The following CTSV variants were observed in gnomAD, a reference collection of about 807,000 sequenced individuals.
The protein encoded by CTSV is cathepsin L2.
A neutral mutation model predicts 35.6 loss-of-function variants in CTSV; 33 were observed. The observed-to-expected ratio is 0.93, with a 90% confidence interval of 0.70 to 1.24. The LOEUF (loss-of-function observed/expected upper bound fraction) is 1.24, where lower values mean the gene tolerates loss of function less well. Ranked by LOEUF, CTSV falls within the 50% of genes most tolerant of loss-of-function variation. CTSV has a pLI of 0.00. For missense variants in CTSV, 408 were observed against 413.1 expected (o/e 0.99, Z 0.11); for synonymous variants, 154 against 147.1 (o/e 1.05, Z -0.34).
At chr9:97,036,826 A>T in intron 4 of CTSV, 79 bp from the exon 5 acceptor site, 9 of 1,140,584 alleles carry the variant, frequency 7.9e-6, no homozygotes, top group Non-Finnish European at 1.1e-5. Context: ...TTACCTTAAT[A>T]TTCTTTAAAA....
rs932504048 is a variant in CTSV, at chr9:97,032,799, C to G, written c.*150G>C. 3 of 519,722 alleles carry G rather than the reference C, an allele frequency of 5.8e-6. No homozygotes were observed. The highest frequency in any genetic ancestry group is 1.0e-5 in the Non-Finnish European group (3 of 295,880). 32.2% of individuals were successfully genotyped at this position (519,722 alleles called of 1,614,324 possible). A position where few individuals can be genotyped will look rare whatever the true frequency, so the allele number is the denominator to read the frequency against. On this transcript the variant is annotated 3_prime_UTR_variant, in exon 8 of 8. Transcript: ENST00000259470. The stretch of plus-strand genomic sequence containing the variant: ...AATTAAAGTAGTGGTAACATTTTAC[C>G]CTTGTAAAAATGTCACAGAATTAAA...
intron 5 of CTSV, 94 bp downstream of exon 5, chr9:97,036,429 A>C: frequency 1.1e-6 from 1 of 896,406 alleles, no homozygotes. Context: ...CTACCATATA[A>C]AATGTGAATT....
At position 97,035,561 on chromosome 9, in the gene CTSV, C is replaced by A; in HGVS notation, c.754G>T (p.Ala252Ser). 1 of 1,581,316 alleles carries A rather than the reference C, an allele frequency of 6.3e-7. No homozygotes were observed. The highest frequency in any genetic ancestry group is 1.2e-5 in the South Asian group (1 of 86,766). Residue 252 changes from alanine to serine, a missense_variant, in exon 6 of 8, where the codon GCA becomes TCA. Physicochemically the swap from Ala to Ser is moderately conservative, Grantham distance 99. Coordinates refer to ENST00000259470, the MANE Select transcript of CTSV (RefSeq NM_001333.4). ...TVGPISVAMDAGHSSFQFYKS... is the reference protein window; with the variant it reads ...TVGPISVAMDSGHSSFQFYKS... Reference sequence around the variant, plus strand: ...TAGAACTGGAAGGACGAATGGCCTGCATCCATAGCAACGGAGATGGGCCCC... The same window carrying A: ...TAGAACTGGAAGGACGAATGGCCTGAATCCATAGCAACGGAGATGGGCCCC...
At position 97,032,694 on chromosome 9, in the gene CTSV, C is replaced by A; in HGVS notation, c.*255G>T. The A allele has an allele frequency of 5.7e-6, 2 of 351,214 alleles. No homozygotes were observed. Among genetic ancestry groups the A allele is most frequent in the Non-Finnish European group, 1.0e-5 (2 of 197,180 alleles). 21.8% of individuals were successfully genotyped at this position (351,214 alleles called of 1,614,324 possible). On this transcript the variant is annotated 3_prime_UTR_variant, in exon 8 of 8. Coordinates refer to ENST00000259470, the MANE Select transcript of CTSV (RefSeq NM_001333.4). ...AAAATTTATTTCAAACTGTTTTGTACATCTTTTTAAAAAATGAAAATTCAA... is the reference window on the plus strand; with the variant it reads ...AAAATTTATTTCAAACTGTTTTGTAAATCTTTTTAAAAAATGAAAATTCAA...
Position 97,032,880 on chromosome 9 carries a change from G to T in CTSV, c.*69C>A. ...GGTTTATCTTACACAATAAGCGTTT[G>T]GTCAGTTTCAAGATAAAATTTCCCC... On this transcript the variant is annotated 3_prime_UTR_variant, in exon 8 of 8. Transcript: ENST00000259470. 9.6e-7 allele frequency: 1 copy of T among 1,045,838 alleles called. No homozygotes were observed. Among genetic ancestry groups the T allele is most frequent in the Non-Finnish European group, 1.4e-6 (1 of 700,900 alleles). The allele number at this position is 1,045,838 out of a possible 1,614,324, so 64.8% of individuals were successfully genotyped here.
intron 7 of CTSV, among the ~76,000 whole-genome samples, chr9:97,034,457 C>A (rs1301814827): frequency 1.3e-5 from 2 of 152,192 alleles, no homozygotes; most frequent in Non-Finnish European, 2.9e-5. Flanking sequence ...GCTCTCAAAC[C>A]TACAGGTCCA....
intron 5 of CTSV, chr9:97,036,314 G>C (rs572128218): frequency 3.4e-6 from 2 of 582,890 alleles, no homozygotes; most frequent in African/African-American, 3.7e-5. Context: ...CTCGTGATCC[G>C]CCTGTCTCGG....
intron 4 of CTSV, 85 bp from the exon 5 acceptor site, chr9:97,036,832 T>TTAA: frequency 1.1e-6 from 1 of 892,270 alleles, no homozygotes. Flanking sequence ...TAATATTCTT[T>TTAA]AAAAAAAAAA....
At position 97,035,764 on chromosome 9, in the gene CTSV, G is replaced by A. The variant is rs75927220; in HGVS notation, c.622-71C>T. The A allele has an allele frequency of 7.7e-3, 8,386 of 1,096,106 alleles. 116 individuals carry two copies. Among genetic ancestry groups the A allele is most frequent in the African/African-American group, 0.047 (2,927 of 61,998 alleles). 67.9% of individuals were successfully genotyped at this position (1,096,106 alleles called of 1,614,324 possible). Reference sequence around the variant, plus strand: ...CCTGGGGAACATTAGTTCTAGAACCGAAACACTCAGCAATTTGCAACCTAG... The same window carrying A: ...CCTGGGGAACATTAGTTCTAGAACCAAAACACTCAGCAATTTGCAACCTAG... On this transcript the variant is annotated intron_variant, in intron 5 of 7. Coordinates refer to ENST00000259470, the MANE Select transcript of CTSV (RefSeq NM_001333.4).
In CTSV at chr9:97,032,803, G is replaced by T. The variant is rs1360907314; in HGVS notation, c.*146C>A. 4 of 536,312 alleles carry T rather than the reference G, an allele frequency of 7.5e-6. 1 individual carries two copies. The South Asian group carries it at 1.0e-4, about 14-fold the overall frequency. 33.2% of individuals were successfully genotyped at this position (536,312 alleles called of 1,614,324 possible). Reference sequence around the variant, plus strand: ...AAAGTAGTGGTAACATTTTACCCTTGTAAAAATGTCACAGAATTAAAATCT... The same window carrying T: ...AAAGTAGTGGTAACATTTTACCCTTTTAAAAATGTCACAGAATTAAAATCT... On this transcript the variant is annotated 3_prime_UTR_variant, in exon 8 of 8. Coordinates refer to ENST00000259470, the MANE Select transcript of CTSV (RefSeq NM_001333.4).
chr9:97,033,403 G>A (rs1226717571), intron 7 of CTSV, among the ~76,000 whole-genome samples: 1 of 151,034 alleles, frequency 6.6e-6, no homozygotes, highest in Non-Finnish European at 1.5e-5. Flanking sequence ...GAGGTTTCAG[G>A]AGTTTGAGAC....
At chr9:97,035,186 G>T (rs1813942075) in intron 6 of CTSV, among the ~76,000 whole-genome samples, 1 of 152,070 alleles carries the variant, frequency 6.6e-6, no homozygotes, top group African/African-American at 2.4e-5. Flanking sequence ...CTGTTCCTAG[G>T]ATGTCAGTCT....
chr9:97,037,576 T>A lies in CTSV; in HGVS notation c.166A>T (p.Met56Leu), dbSNP rs1828876520. The A allele has an allele frequency of 6.2e-7, 1 of 1,614,082 alleles. No individual in the cohort carries two copies. Among genetic ancestry groups the A allele is most frequent in the Admixed American group, 1.7e-5 (1 of 60,006 alleles). ...GWRRAVWEKN[M>L]KMIELHNGEY... ...CCATTGTGCAGTTCAATCATTTTCA[T>A]ATTCTTTTCCCACACTGCTCTCCTC... The change falls in exon 3 of 8, where the codon ATG becomes TTG. Residue 56 changes from methionine to leucine, a missense_variant. Coordinates refer to ENST00000259470, the MANE Select transcript of CTSV (RefSeq NM_001333.4).
chr9:97,033,764 C>A (rs1399738045), intron 7 of CTSV, among the ~76,000 whole-genome samples: 2 of 151,940 alleles, frequency 1.3e-5, no homozygotes, highest in African/African-American at 4.8e-5. Flanking sequence ...CACCACTGCA[C>A]TCTTGCCTGA....
intron 5 of CTSV, 98 bp downstream of exon 5, chr9:97,036,425 T>C (rs1051504955): frequency 1.0e-5 from 9 of 876,394 alleles, no homozygotes; most frequent in African/African-American, 1.0e-4. Context: ...GATTCTACCA[T>C]ATAAAATGTG....
In CTSV at chr9:97,031,693, G is replaced by A. The variant is rs1828748161; in HGVS notation, c.*1256C>T. On this transcript the variant is annotated 3_prime_UTR_variant, in exon 8 of 8. Transcript: ENST00000259470. ...TTAATTCAGGGATTAGGTAGCCAGA[G>A]TCTGGCCTAGTGACTTCTGACCTTT... 1 of 152,200 alleles carries A rather than the reference G, an allele frequency of 6.6e-6. No homozygotes were observed. The highest frequency in any genetic ancestry group is 1.5e-5 in the Non-Finnish European group (1 of 68,042). The allele number at this position is 152,200 out of a possible 1,614,324, so 9.4% of individuals were successfully genotyped here. A position where few individuals can be genotyped will look rare whatever the true frequency, so the allele number is the denominator to read the frequency against.
chr9:97,035,499 C>T, intron 6 of CTSV, 29 bp downstream of exon 6: 1 of 1,443,730 alleles, frequency 6.9e-7, no homozygotes, highest in Non-Finnish European at 9.2e-7. Flanking sequence ...CCAATTCTGC[C>T]TAAATTTCTA....
chr9:97,035,510 T>C lies in CTSV; in HGVS notation c.787+18A>G, dbSNP rs746129204. The C allele has an allele frequency of 1.5e-5, 22 of 1,463,984 alleles. 1 individual carries two copies. In the South Asian group the frequency reaches 3.2e-4, roughly 22 times the overall value. 90.7% of individuals were successfully genotyped at this position (1,463,984 alleles called of 1,614,324 possible). A position where few individuals can be genotyped will look rare whatever the true frequency, so the allele number is the denominator to read the frequency against. ...CTTCCCAATTCTGCCTAAATTTCTA[T>C]AATAAAATGACACTTACCTGATTTG... On this transcript the variant is annotated intron_variant, in intron 6 of 7. Transcript: ENST00000259470.
chr9:97,037,999 G>C lies in CTSV; in HGVS notation c.45C>G (p.Ala15=), dbSNP rs563968271. The change falls in exon 2 of 8, where the codon GCC becomes GCG. Residue 15 remains alanine, a synonymous_variant. Transcript: ENST00000259470. ...LVLAAFCLGI[A]SAVPKFDQNL... ...TTTGGTCAAATTTTGGAACAGCGGA[G>C]GCTATTCCCAAGCAAAAGGCAGCCA... 1 of 1,614,014 alleles carries C rather than the reference G, an allele frequency of 6.2e-7. No individual in the cohort carries two copies. The highest frequency in any genetic ancestry group is 1.1e-5 in the South Asian group (1 of 91,082).
Sources: allele counts gnomAD v4.1 joint callset (sites outside exome capture counted in the v4.1 genomes callset), GRCh38; gene constraint gnomAD v4.1.1; transcripts MANE v1.5; gene names NCBI Gene and HGNC (gene_info 2026-07-23, HGNC 2026-07-21).